OPCML: variants seen among roughly 807,000 people sequenced by gnomAD.
OPCML encodes opioid-binding protein/cell adhesion molecule.
OPCML carries 13 observed loss-of-function variants against 37.8 expected under a neutral mutation model. The observed-to-expected ratio is 0.34, with a 90% CI of 0.22 to 0.55. The LOEUF is 0.55. Among genes scored for constraint, OPCML ranks in the 20% least tolerant of loss-of-function variants. The pLI, the probability that OPCML is intolerant of heterozygous loss-of-function variation, is 0.91. For missense variants in OPCML, 341 were observed against 435.6 expected (o/e 0.78, Z 1.93); for synonymous variants, 176 against 168.8 (o/e 1.04, Z -0.33).
At chr11:132,631,350 T>C (rs559261315) in intron 3 of OPCML, among the ~76,000 whole-genome samples, 295 of 84,508 alleles carry the variant, frequency 3.5e-3, no homozygotes, top group South Asian at 0.011. Context: ...TAACCATATA[T>C]ACATATATAT....
intron 1 of OPCML, chr11:133,005,125 A>T (rs1047252400): frequency 1.0e-6 from 1 of 985,262 alleles, no homozygotes; most frequent in African/African-American, 1.7e-5. Flanking sequence ...ATCCAAACTT[A>T]GAATGAAATC....
chr11:132,479,216 T>C (rs1469521789), intron 4 of OPCML, among the ~76,000 whole-genome samples: 2 of 152,130 alleles, frequency 1.3e-5, no homozygotes, highest in African/African-American at 4.8e-5. Context: ...ACTCAGGAAG[T>C]GCAAGGGGTC....
intron 2 of OPCML, among the ~76,000 whole-genome samples, chr11:132,817,787 G>T (rs1217960705): frequency 6.6e-6 from 1 of 151,856 alleles, no homozygotes. Flanking sequence ...TGTAATGGAA[G>T]AAGAGCCTAG....
intron 1 of OPCML, among the ~76,000 whole-genome samples, chr11:133,384,480 G>A (rs572154741): frequency 1.7e-4 from 26 of 152,154 alleles, no homozygotes; most frequent in Admixed American, 6.5e-4. Flanking sequence ...AAAATAAAGG[G>A]CCAACCCAAC....
chr11:133,495,367 T>C (rs1171444297), intron 1 of OPCML, among the ~76,000 whole-genome samples: 1 of 152,230 alleles, frequency 6.6e-6, no homozygotes, highest in Non-Finnish European at 1.5e-5. Flanking sequence ...TAAACATGCG[T>C]ATGCAAGTAT....
chr11:133,165,991 A>C (rs114508073), intron 1 of OPCML, among the ~76,000 whole-genome samples: 1 of 152,176 alleles, frequency 6.6e-6, no homozygotes, highest in African/African-American at 2.4e-5. Flanking sequence ...ATCTTGAAAG[A>C]CTTAGCGAAT....
At chr11:132,612,832 G>A (rs1302807843) in intron 3 of OPCML, among the ~76,000 whole-genome samples, 9 of 152,060 alleles carry the variant, frequency 5.9e-5, no homozygotes, top group Admixed American at 4.6e-4. Flanking sequence ...CTGCAGTCCG[G>A]TCACCTATTT....
intron 2 of OPCML, among the ~76,000 whole-genome samples, chr11:132,882,052 T>C (rs1943243595): frequency 6.6e-6 from 1 of 152,222 alleles, no homozygotes; most frequent in Non-Finnish European, 1.5e-5. Context: ...TTCTGGCTTA[T>C]TCCCTTCTAG....
intron 1 of OPCML, among the ~76,000 whole-genome samples, chr11:133,138,508 G>A (rs1250420203): frequency 6.6e-6 from 1 of 152,144 alleles, no homozygotes; most frequent in Non-Finnish European, 1.5e-5. Context: ...CTGATTTGGA[G>A]CAAATTTCCT....
intron 2 of OPCML, among the ~76,000 whole-genome samples, chr11:132,931,652 C>A (rs930343062): frequency 6.6e-6 from 1 of 152,082 alleles, no homozygotes; most frequent in Non-Finnish European, 1.5e-5. Context: ...ATAATAGAAA[C>A]AGAAAATAAG....
At chr11:133,365,943 A>T (rs1944530997) in intron 1 of OPCML, 1 of 152,250 alleles carries the variant, frequency 6.6e-6, no homozygotes, top group Non-Finnish European at 1.5e-5. Flanking sequence ...GCTGGAAATT[A>T]GGGAACATGG....
At chr11:133,180,714 C>T (rs1448104662) in intron 1 of OPCML, among the ~76,000 whole-genome samples, 1 of 151,928 alleles carries the variant, frequency 6.6e-6, no homozygotes, top group South Asian at 2.1e-4. Context: ...ATAGGTATGA[C>T]ATCGCTCGCC....
At chr11:133,016,708 A>G (rs1431199919) in intron 1 of OPCML, among the ~76,000 whole-genome samples, 1 of 152,232 alleles carries the variant, frequency 6.6e-6, no homozygotes, top group Non-Finnish European at 1.5e-5. Flanking sequence ...TGTGTACCAC[A>G]GTTAATAAAA....
At position 132,943,139 on chromosome 11, in the gene OPCML, G is replaced by T; in HGVS notation, c.62-129C>A. ...AGGACTCCGGCAGCCGCACAGTCCT[G>T]GTCCCCCGCCCCGCGCACCAGCGGG... On this transcript the variant is annotated intron_variant, in intron 1 of 7. Coordinates refer to ENST00000524381, the MANE Select transcript of OPCML (RefSeq NM_001012393.5). The surrounding 1 kb of genome is among the most constrained non-coding windows in gnomAD (Gnocchi z 4.3). The T allele has an allele frequency of 1.2e-6, 2 of 1,607,264 alleles. No homozygotes were observed. The highest frequency in any genetic ancestry group is 1.7e-6 in the Non-Finnish European group (2 of 1,174,512).
Position 133,205,735 on chromosome 11 carries a change from T to C in OPCML, c.62-262725A>G, listed in dbSNP as rs1031089784. 2.6e-5 allele frequency among the ~76,000 whole-genome samples: 4 copies of C among 152,212 alleles called. No individual in the cohort carries two copies. Among genetic ancestry groups the C allele is most frequent in the African/African-American group, 9.6e-5 (4 of 41,454 alleles). ...TTTTTTTCCTTGTCTTTAAGAATTATCCTGGATGAGTAAGAATCCCAAGAA... is the reference window on the plus strand; with the variant it reads ...TTTTTTTCCTTGTCTTTAAGAATTACCCTGGATGAGTAAGAATCCCAAGAA... On this transcript the variant is annotated intron_variant, in intron 1 of 7. Transcript: ENST00000524381. The surrounding 1 kb of genome is among the most constrained non-coding windows in gnomAD (Gnocchi z 4.8).
At chr11:132,858,033 G>A (rs367820854) in intron 2 of OPCML, among the ~76,000 whole-genome samples, 3 of 152,192 alleles carry the variant, frequency 2.0e-5, no homozygotes, top group Middle Eastern at 3.2e-3. Flanking sequence ...GAGAGAGGGA[G>A]GGGAGGACTC....
At chr11:133,414,663 A>G (rs554710325) in intron 1 of OPCML, among the ~76,000 whole-genome samples, 45 of 152,284 alleles carry the variant, frequency 3.0e-4, no homozygotes, top group African/African-American at 9.9e-4. Flanking sequence ...GCCAGTTCTC[A>G]GGCTTTGACA....
chr11:133,504,588 TG>T, intron 1 of OPCML, among the ~76,000 whole-genome samples: 1 of 152,324 alleles, frequency 6.6e-6, no homozygotes, highest in East Asian at 1.9e-4. Flanking sequence ...CCGCACCTAC[TG>T]GACAGAGCCA....
chr11:132,930,152 C>G (rs989430439), intron 2 of OPCML, among the ~76,000 whole-genome samples: 2 of 152,010 alleles, frequency 1.3e-5, no homozygotes, highest in Admixed American at 1.3e-4. Flanking sequence ...TAGCTTGAGC[C>G]CAGGAGTTTG....
Sources: gnomAD v4.1 joint callset for allele counts (sites outside exome capture counted in the v4.1 genomes callset) on GRCh38, gnomAD v4.1.1 for gene constraint, Gnocchi (gnomAD v3.1) non-coding constraint, MANE v1.5 for transcripts, NCBI Gene and HGNC (gene_info 2026-07-23, HGNC 2026-07-21) for gene names.